Variants in SPIDR observed in about 807,000 individuals in gnomAD.
The protein encoded by SPIDR is DNA repair-scaffolding protein.
In SPIDR, 93 loss-of-function variants were observed where a neutral mutation model predicts 104.6. The observed-to-expected ratio is 0.89, with a 90% CI of 0.75 to 1.06. The LOEUF (loss-of-function observed/expected upper bound fraction) is 1.06. Among genes scored for constraint, SPIDR ranks in the 50% least tolerant of loss-of-function variants. The pLI, the probability that SPIDR is intolerant of heterozygous loss-of-function variation, is 0.00. For missense variants in SPIDR, 1,154 were observed against 1,111.2 expected (o/e 1.04, Z -0.55); for synonymous variants, 431 against 416.9 (o/e 1.03, Z -0.41).
chr8:47,648,483 G>A (rs1285959916), intron 10 of SPIDR, among the ~76,000 whole-genome samples: 1 of 152,202 alleles, frequency 6.6e-6, no homozygotes, highest in African/African-American at 2.4e-5. Flanking sequence ...AGATGGATGG[G>A]TGAATGAACA....
At chr8:47,540,637 T>G (rs2087915896) in intron 8 of SPIDR, among the ~76,000 whole-genome samples, 1 of 152,188 alleles carries the variant, frequency 6.6e-6, no homozygotes, top group Non-Finnish European at 1.5e-5. Context: ...TCTGAATGAT[T>G]TACAGTATTG....
At chr8:47,467,188 C>T (rs2075006752) in intron 8 of SPIDR, among the ~76,000 whole-genome samples, 2 of 152,032 alleles carry the variant, frequency 1.3e-5, no homozygotes, top group Non-Finnish European at 2.9e-5. Context: ...TTTGAACAGA[C>T]CAGTAATGAG....
chr8:47,349,673 A>G (rs1554620924), intron 5 of SPIDR, among the ~76,000 whole-genome samples: 1 of 152,200 alleles, frequency 6.6e-6, no homozygotes, highest in African/African-American at 2.4e-5. Context: ...AGCCTCAGCA[A>G]TGGCAGTCGC....
At chr8:47,443,571 CAA>C (rs782463880) in intron 8 of SPIDR, among the ~76,000 whole-genome samples, 5 of 30,132 alleles carry the variant, frequency 1.7e-4, no homozygotes, top group Non-Finnish European at 2.8e-4. Context: ...ACCCTGTCGC[CAA>C]AAAAAAAAAA....
intron 5 of SPIDR, among the ~76,000 whole-genome samples, chr8:47,322,295 C>T (rs2046801749): frequency 6.6e-6 from 1 of 152,208 alleles, no homozygotes; most frequent in Non-Finnish European, 1.5e-5. Flanking sequence ...GCAGACACTT[C>T]TCAAAAGAAG....
chr8:47,277,569 T>A (rs1192327095), intron 1 of SPIDR, among the ~76,000 whole-genome samples: 2 of 150,910 alleles, frequency 1.3e-5, no homozygotes, highest in Non-Finnish European at 3.0e-5. Context: ...TTTCCCAGAC[T>A]GGTCTTGAAC....
At chr8:47,337,900 G>T (rs2050065576) in intron 5 of SPIDR, among the ~76,000 whole-genome samples, 1 of 152,136 alleles carries the variant, frequency 6.6e-6, no homozygotes, top group Non-Finnish European at 1.5e-5. Flanking sequence ...TAGGTGTATA[G>T]GTTTATTTCT....
At chr8:47,422,300 CA>C (rs1353284140) in intron 7 of SPIDR, among the ~76,000 whole-genome samples, 8 of 152,168 alleles carry the variant, frequency 5.3e-5, no homozygotes, top group Non-Finnish European at 5.9e-5. Flanking sequence ...ACTCAAGCCT[CA>C]GCAATGGCGG....
chr8:47,515,503 T>G (rs1451246670), intron 8 of SPIDR, among the ~76,000 whole-genome samples: 2 of 152,186 alleles, frequency 1.3e-5, no homozygotes, highest in Non-Finnish European at 2.9e-5. Flanking sequence ...GGCCTGCCAC[T>G]GTCCCCAAGG....
At position 47,668,210 on chromosome 8, in the gene SPIDR, G is replaced by A. The variant is rs555746744; in HGVS notation, c.1545-5591G>A. Among the ~76,000 whole-genome samples the A allele has an allele frequency of 1.1e-4, 17 of 152,222 alleles. No homozygotes were observed. In the East Asian group the frequency reaches 1.5e-3, roughly 14 times the overall value. ...AAAGGTAATCAACTTGTTCTGTGAA[G>A]CTGATATAAATGATCTTGATACCAA... On this transcript the variant is annotated intron_variant, in intron 10 of 19. Coordinates refer to ENST00000297423, the MANE Select transcript of SPIDR (RefSeq NM_001080394.4).
intron 7 of SPIDR, among the ~76,000 whole-genome samples, chr8:47,422,344 A>T (rs782732908): frequency 6.6e-6 from 1 of 151,942 alleles, no homozygotes; most frequent in East Asian, 1.9e-4. Flanking sequence ...GCCCCCTTGC[A>T]GTTTGATTTC....
At chr8:47,334,386 AGT>A in intron 5 of SPIDR, among the ~76,000 whole-genome samples, 1 of 152,318 alleles carries the variant, frequency 6.6e-6, no homozygotes, top group Middle Eastern at 3.4e-3. Context: ...GGATTATGAT[AGT>A]GGACTAATTT....
intron 4 of SPIDR, 22 bp downstream of exon 4, chr8:47,291,159 T>C: frequency 4.6e-6 from 7 of 1,517,936 alleles, no homozygotes; most frequent in Non-Finnish European, 6.3e-6. Context: ...TGCTCTAGAA[T>C]AGACAGATTT....
At chr8:47,581,896 G>T (rs562827599) in intron 8 of SPIDR, among the ~76,000 whole-genome samples, 1 of 152,208 alleles carries the variant, frequency 6.6e-6, no homozygotes, top group Non-Finnish European at 1.5e-5. Flanking sequence ...CAGTAAACAA[G>T]CAAATCGATC....
At chr8:47,477,749 A>G (rs1554724521) in intron 8 of SPIDR, among the ~76,000 whole-genome samples, 2 of 152,168 alleles carry the variant, frequency 1.3e-5, no homozygotes, top group East Asian at 1.9e-4. Flanking sequence ...CATTCAGTGA[A>G]TATCTTTAGT....
At chr8:47,681,915 A>G (rs543319275) in intron 11 of SPIDR, among the ~76,000 whole-genome samples, 3 of 152,176 alleles carry the variant, frequency 2.0e-5, no homozygotes, top group Non-Finnish European at 4.4e-5. Flanking sequence ...TATACTTCCA[A>G]GTTTTAGTTT....
intron 1 of SPIDR, among the ~76,000 whole-genome samples, chr8:47,265,854 A>G (rs2033853449): frequency 1.3e-5 from 2 of 152,298 alleles, no homozygotes; most frequent in Admixed American, 6.5e-5. Flanking sequence ...TCTGGTTCAC[A>G]GACAGCCATA....
At chr8:47,344,339 G>A (rs1247805323) in intron 5 of SPIDR, among the ~76,000 whole-genome samples, 2 of 152,124 alleles carry the variant, frequency 1.3e-5, no homozygotes, top group Non-Finnish European at 2.9e-5. Context: ...TGGTGTATAT[G>A]TGCCACATTT....
intron 9 of SPIDR, among the ~76,000 whole-genome samples, chr8:47,598,642 C>A (rs932427288): frequency 3.9e-5 from 6 of 152,134 alleles, no homozygotes; most frequent in African/African-American, 1.4e-4. Context: ...ATTGAATTAT[C>A]ATGAATTATT....
Sources: allele counts gnomAD v4.1 joint callset (sites outside exome capture counted in the v4.1 genomes callset), GRCh38; gene constraint gnomAD v4.1.1; transcripts MANE v1.5; gene names NCBI Gene and HGNC (gene_info 2026-07-23, HGNC 2026-07-21).